The following CDK14 variants were observed in gnomAD, a reference collection of about 807,000 sequenced individuals.
CDK14 encodes cyclin dependent kinase 14, also known as cyclin-dependent kinase 14.
CDK14 carries 34 observed loss-of-function variants against 60.7 expected under a neutral mutation model. The observed-to-expected ratio is 0.56, with a 90% CI of 0.43 to 0.75. The LOEUF is 0.75. CDK14 is among the 30% of genes least tolerant of loss of function. The pLI, the probability that CDK14 is intolerant of heterozygous loss-of-function variation, is 0.00. For synonymous variants in CDK14, 197 were observed against 203.7 expected, an observed-to-expected ratio of 0.97 and a Z score of 0.28; for missense variants, 482 against 564.1, an observed-to-expected ratio of 0.85 and a Z score of 1.47.
At chr7:90,785,586 C>T (rs747229657) in intron 4 of CDK14, among the ~76,000 whole-genome samples, 18 of 151,898 alleles carry the variant, frequency 1.2e-4, no homozygotes, top group Non-Finnish European at 2.5e-4. Flanking sequence ...GAGATGGAGA[C>T]GATCCTGGCT....
intron 3 of CDK14, among the ~76,000 whole-genome samples, chr7:90,730,557 G>A (rs180869284): frequency 3.3e-5 from 5 of 152,282 alleles, no homozygotes; most frequent in Admixed American, 2.6e-4. Flanking sequence ...TCTAACTGGC[G>A]TGAGATGGTA....
chr7:90,698,011 T>C (rs899392389), intron 2 of CDK14, among the ~76,000 whole-genome samples: 10 of 130,552 alleles, frequency 7.7e-5, no homozygotes, highest in African/African-American at 3.0e-4. Context: ...GAGCTTTCAG[T>C]GAGCTGAGAT....
At position 91,133,746 on chromosome 7, in the gene CDK14, A is replaced by G. The variant is rs181727644; in HGVS notation, c.*28+15538A>G. 6.8e-3 allele frequency among the ~76,000 whole-genome samples: 1,038 copies of G among 152,254 alleles called. 3 individuals are homozygous for G. Among genetic ancestry groups the G allele is most frequent in the Middle Eastern group, 0.017 (5 of 294 alleles). ...TTAGTTAATTTACATTTTTATAGCC[A>G]TATTAGGCTCTCACTATATTCCAAC... On this transcript the variant is annotated intron_variant, in intron 14 of 14. Transcript: ENST00000380050.
chr7:90,966,295 G>A (rs541061528), intron 9 of CDK14, among the ~76,000 whole-genome samples: 6 of 152,048 alleles, frequency 3.9e-5, no homozygotes, highest in South Asian at 2.1e-4. Flanking sequence ...CTTCAAACAC[G>A]GGGATGGGGA....
chr7:91,147,160 TCTCACACA>T lies in CDK14; in HGVS notation c.*28+28954_*28+28961del, dbSNP rs1421027564. On this transcript the variant is annotated intron_variant, in intron 14 of 14. Transcript: ENST00000380050. ...CTCTCTGTCTCTCTCTCTCTCTCTCTCTCACACACACACACACACACACACACACACAC... is the reference window on the plus strand; with the variant it reads ...CTCTCTGTCTCTCTCTCTCTCTCTCTCACACACACACACACACACACACAC... Among the ~76,000 whole-genome samples the T allele has an allele frequency of 7.8e-3, 839 of 107,672 alleles. 5 individuals carry two copies. The highest frequency in any genetic ancestry group is 0.02 in the African/African-American group (565 of 27,990). The allele number at this position is 107,672 out of a possible 152,430, so 70.6% of individuals were successfully genotyped here. A position where few individuals can be genotyped will look rare whatever the true frequency, so the allele number is the denominator to read the frequency against.
chr7:91,049,533 A>T (rs554499662), intron 11 of CDK14, among the ~76,000 whole-genome samples: 4 of 152,340 alleles, frequency 2.6e-5, no homozygotes, highest in African/African-American at 4.8e-5. Context: ...CAATTTTTTT[A>T]AAGACCAATT....
intron 10 of CDK14, among the ~76,000 whole-genome samples, chr7:91,022,932 T>C (rs964220234): frequency 6.6e-6 from 1 of 152,196 alleles, no homozygotes; most frequent in Non-Finnish European, 1.5e-5. Flanking sequence ...AGCTTCTCAC[T>C]ATGGTCTCTT....
chr7:90,724,792 G>A (rs1404574215), intron 2 of CDK14, among the ~76,000 whole-genome samples: 1 of 151,442 alleles, frequency 6.6e-6, no homozygotes, highest in African/African-American at 2.4e-5. Context: ...TGTGTTTGCA[G>A]TTCATTGACT....
At chr7:91,037,069 C>T (rs1796953615) in intron 10 of CDK14, among the ~76,000 whole-genome samples, 3 of 152,214 alleles carry the variant, frequency 2.0e-5, no homozygotes, top group Admixed American at 6.5e-5. Context: ...CTAAAAACCA[C>T]AAGTCTTTTT....
At chr7:90,864,171 TTA>T (rs1273152972) in intron 6 of CDK14, among the ~76,000 whole-genome samples, 2 of 152,288 alleles carry the variant, frequency 1.3e-5, no homozygotes, top group South Asian at 2.1e-4. Context: ...TTTATTTTGC[TTA>T]TGTCTGCCTG....
At chr7:90,732,073 C>T (rs1016055308) in intron 3 of CDK14, among the ~76,000 whole-genome samples, 1 of 152,114 alleles carries the variant, frequency 6.6e-6, no homozygotes, top group African/African-American at 2.4e-5. Flanking sequence ...TTGTCAAAGG[C>T]CCTTTCTGCA....
chr7:91,061,898 G>T (rs1241634164), intron 11 of CDK14, among the ~76,000 whole-genome samples: 1 of 152,196 alleles, frequency 6.6e-6, no homozygotes, highest in Non-Finnish European at 1.5e-5. Context: ...CAAGCTGCAG[G>T]CTGAGAGAAC....
chr7:90,844,193 C>T (rs1790388414), intron 5 of CDK14, among the ~76,000 whole-genome samples: 2 of 152,062 alleles, frequency 1.3e-5, no homozygotes. Flanking sequence ...AATACTGGAG[C>T]CTGGAGGGAG....
intron 6 of CDK14, among the ~76,000 whole-genome samples, chr7:90,874,597 C>T (rs1791491958): frequency 7.5e-6 from 1 of 134,076 alleles, no homozygotes; most frequent in East Asian, 2.5e-4. Flanking sequence ...GGCGCAATCT[C>T]GGCTCACTGC....
chr7:91,209,693 T>G lies in CDK14; in HGVS notation c.*2557T>G, dbSNP rs1803010161. The G allele has an allele frequency of 6.6e-6, 1 of 152,646 alleles. No homozygotes were observed. The highest frequency in any genetic ancestry group is 6.5e-5 in the Admixed American group (1 of 15,280). 9.5% of individuals were successfully genotyped at this position (152,646 alleles called of 1,614,324 possible). ...GCACATCACTGCACACACAGTATTC[T>G]GAAAGGAGATTTGACACTTAATTCC... On this transcript the variant is annotated 3_prime_UTR_variant, in exon 15 of 15. Transcript: ENST00000380050.
At chr7:91,104,698 A>G (rs1361759571) in intron 12 of CDK14, among the ~76,000 whole-genome samples, 1 of 152,226 alleles carries the variant, frequency 6.6e-6, no homozygotes, top group East Asian at 1.9e-4. Context: ...TTATATATCT[A>G]TAAGAGGCCT....
At chr7:91,109,935 A>G (rs1160141596) in intron 12 of CDK14, among the ~76,000 whole-genome samples, 1 of 152,142 alleles carries the variant, frequency 6.6e-6, no homozygotes, top group African/African-American at 2.4e-5. Context: ...TATGCATTTA[A>G]TTACCCAGCC....
At position 90,691,241 on chromosome 7, in the gene CDK14, G is replaced by A. The variant is rs372758567; in HGVS notation, c.124-35326G>A. Among the ~76,000 whole-genome samples, 20 of 152,184 alleles carry A rather than the reference G, an allele frequency of 1.3e-4. No individual in the cohort carries two copies. The South Asian group carries it at 2.5e-3, about 19-fold the overall frequency. On this transcript the variant is annotated intron_variant, in intron 2 of 14. Coordinates refer to ENST00000380050, the MANE Select transcript of CDK14 (RefSeq NM_001287135.2). ...AGTCCTGCCCTCCCGGAACTTAGCCGTGAAGGGAGGCAGATAATAAAGACA... is the reference window on the plus strand; with the variant it reads ...AGTCCTGCCCTCCCGGAACTTAGCCATGAAGGGAGGCAGATAATAAAGACA...
chr7:91,198,130 C>T (rs939760806), intron 14 of CDK14, among the ~76,000 whole-genome samples: 4 of 152,178 alleles, frequency 2.6e-5, no homozygotes, highest in Middle Eastern at 3.2e-3. Flanking sequence ...GTGGTATGCA[C>T]AATGTGTCAC....
Sources: gnomAD v4.1 joint callset for allele counts (sites outside exome capture counted in the v4.1 genomes callset) on GRCh38, gnomAD v4.1.1 for gene constraint, MANE v1.5 for transcripts, NCBI Gene and HGNC (gene_info 2026-07-23, HGNC 2026-07-21) for gene names.